Variants in ISM1 observed in about 807,000 individuals in gnomAD.
The protein encoded by ISM1 is isthmin 1.
A neutral mutation model predicts 46.3 loss-of-function variants in ISM1; 25 were observed. The observed-to-expected ratio is 0.54, with a 90% confidence interval of 0.39 to 0.75. ISM1 has a LOEUF of 0.75. Ranked by LOEUF, ISM1 falls within the 30% of genes least tolerant of loss-of-function variation. The pLI is 0.00. For synonymous variants in ISM1, 255 were observed against 256.7 expected (o/e 0.99, Z 0.06); for missense variants, 536 against 625.4 (o/e 0.86, Z 1.52).
At chr20:13,263,886 T>C (rs943126249) in intron 1 of ISM1, among the ~76,000 whole-genome samples, 6 of 152,266 alleles carry the variant, frequency 3.9e-5, no homozygotes, top group African/African-American at 1.4e-4. Context: ...CTCTGTTGTT[T>C]GTTGTTCAAA....
chr20:13,295,208 G>A (rs1384897934), intron 5 of ISM1, among the ~76,000 whole-genome samples: 1 of 152,020 alleles, frequency 6.6e-6, no homozygotes, highest in Admixed American at 6.6e-5. Flanking sequence ...GATCTCTTCT[G>A]ATCCCACCTG....
At chr20:13,257,378 G>C (rs1007274946) in intron 1 of ISM1, among the ~76,000 whole-genome samples, 1 of 152,122 alleles carries the variant, frequency 6.6e-6, no homozygotes, top group African/African-American at 2.4e-5. Flanking sequence ...TTAGCCAAGC[G>C]TGGTGGTGGA....
At position 13,299,195 on chromosome 20, in the gene ISM1, C is replaced by T; in HGVS notation, c.1131C>T (p.Ser377=). 1 of 1,604,654 alleles carries T rather than the reference C, an allele frequency of 6.2e-7. No homozygotes were observed. The highest frequency in any genetic ancestry group is 8.5e-7 in the Non-Finnish European group (1 of 1,175,650). Residue 377 remains serine, a synonymous_variant, in exon 6 of 6, where the codon AGC becomes AGT. Coordinates refer to ENST00000262487, the MANE Select transcript of ISM1 (RefSeq NM_080826.2). The surrounding 1 kb of genome is among the most constrained non-coding windows in gnomAD (Gnocchi z 5.8). ...TCCGCTCCATGCTGTCCCTGGAGAG[C>T]ACCACGCTGGCGGCACAGCACTGCT... is the stretch of plus-strand genomic sequence containing the variant. The part of the protein sequence containing the change: ...YCIRSMLSLE[S]TTLAAQHCCY...
the ISM1 span, among the ~76,000 whole-genome samples, chr20:13,311,235 TA>T: frequency 6.4e-5 from 7 of 110,046 alleles, no homozygotes; most frequent in Admixed American, 1.9e-4. Flanking sequence ...GATAGATAGA[TA>T]GATAGATGAT....
rs1467410820 is a variant in ISM1, at chr20:13,221,758, A to C, written c.-19A>C. On this transcript the variant is annotated 5_prime_UTR_variant, in exon 1 of 6. Coordinates refer to ENST00000262487, the MANE Select transcript of ISM1 (RefSeq NM_080826.2). ...CGCCGGCCGCCGCGCCGGGTCCTAA[A>C]GCCGCGCGTCTCAAAAGGATGGTGC... The C allele has an allele frequency of 7.0e-7, 1 of 1,425,948 alleles. No homozygotes were observed. The highest frequency in any genetic ancestry group is 2.7e-5 in the Admixed American group (1 of 36,650). 88.3% of individuals were successfully genotyped at this position (1,425,948 alleles called of 1,614,324 possible).
At chr20:13,254,422 C>G (rs73901620) in intron 1 of ISM1, among the ~76,000 whole-genome samples, 2,295 of 152,122 alleles carry the variant, frequency 0.015, 61 homozygotes, top group African/African-American at 0.052. Context: ...AGAAAATGTT[C>G]AGAATCAGAA....
intron 1 of ISM1, among the ~76,000 whole-genome samples, chr20:13,242,058 G>A (rs900443435): frequency 1.3e-5 from 2 of 152,184 alleles, no homozygotes; most frequent in African/African-American, 4.8e-5. Context: ...ATCTCAATGA[G>A]TTTTAAAACT....
At chr20:13,286,656 C>A (rs2040296509) in intron 3 of ISM1, among the ~76,000 whole-genome samples, 1 of 152,120 alleles carries the variant, frequency 6.6e-6, no homozygotes, top group Admixed American at 6.5e-5. Context: ...GAAATCCACC[C>A]CCCACCACCC....
At chr20:13,323,325 C>T in the ISM1 span, among the ~76,000 whole-genome samples, 1 of 152,160 alleles carries the variant, frequency 6.6e-6, no homozygotes, top group Non-Finnish European at 1.5e-5. Flanking sequence ...ACTGGAAACA[C>T]AATGACTCAG....
At chr20:13,265,451 T>A (rs1282047486) in intron 1 of ISM1, among the ~76,000 whole-genome samples, 2 of 152,184 alleles carry the variant, frequency 1.3e-5, no homozygotes, top group East Asian at 3.8e-4. Flanking sequence ...AAGTACAATC[T>A]TTTTGTCCAA....
At chr20:13,305,256 A>G (rs965659220), downstream of ISM1, among the ~76,000 whole-genome samples, 1 of 151,988 alleles carries the variant, frequency 6.6e-6, no homozygotes, top group Non-Finnish European at 1.5e-5. Flanking sequence ...CAGACAGAAA[A>G]TTAATCTGCC....
intron 1 of ISM1, chr20:13,239,187 A>G (rs1415013914): frequency 6.6e-6 from 1 of 152,242 alleles, no homozygotes; most frequent in Non-Finnish European, 1.5e-5. Context: ...GAAATAATGA[A>G]AGGCAAGTTC....
At chr20:13,256,361 A>G in intron 1 of ISM1, among the ~76,000 whole-genome samples, 1 of 143,986 alleles carries the variant, frequency 6.9e-6, no homozygotes, top group Admixed American at 7.4e-5. Flanking sequence ...GCACTATCAT[A>G]CTCCAGCCTG....
At chr20:13,285,520 C>G (rs116235223) in intron 3 of ISM1, among the ~76,000 whole-genome samples, 5,141 of 152,192 alleles carry the variant, frequency 0.034, 259 homozygotes, top group African/African-American at 0.11. Context: ...GTCCCTCCCC[C>G]TCCAGGAGGC....
At chr20:13,311,446 A>T in the ISM1 span, among the ~76,000 whole-genome samples, 1 of 152,216 alleles carries the variant, frequency 6.6e-6, no homozygotes, top group African/African-American at 2.4e-5. Context: ...ATATATCCAA[A>T]GAAAATTAAA....
At chr20:13,257,598 C>A (rs941479933) in intron 1 of ISM1, among the ~76,000 whole-genome samples, 2 of 152,064 alleles carry the variant, frequency 1.3e-5, no homozygotes, top group African/African-American at 4.8e-5. Context: ...TTGTTTTTAT[C>A]ATCACTATAT....
chr20:13,258,158 C>T (rs2039948682), intron 1 of ISM1, among the ~76,000 whole-genome samples: 3 of 152,096 alleles, frequency 2.0e-5, no homozygotes. Flanking sequence ...ATCCATGTTC[C>T]ACCTTTCTCC....
chr20:13,320,249 G>A, the ISM1 span, among the ~76,000 whole-genome samples: 1 of 152,200 alleles, frequency 6.6e-6, no homozygotes, highest in African/African-American at 2.4e-5. Context: ...GTGGTAGAGT[G>A]TGAGTTGAGC....
chr20:13,297,820 C>T (rs543162699), intron 5 of ISM1, among the ~76,000 whole-genome samples: 2 of 152,204 alleles, frequency 1.3e-5, no homozygotes, highest in African/African-American at 2.4e-5. Context: ...AAGAACCAAA[C>T]ACAACCCTTC....
Sources: gnomAD v4.1 joint callset for allele counts (sites outside exome capture counted in the v4.1 genomes callset) on GRCh38, gnomAD v4.1.1 for gene constraint, Gnocchi (gnomAD v3.1) non-coding constraint, MANE v1.5 for transcripts, NCBI Gene and HGNC (gene_info 2026-07-23, HGNC 2026-07-21) for gene names.